The following MKX variants were observed in gnomAD, a reference collection of about 807,000 sequenced individuals.
The protein encoded by MKX is mohawk homeobox, also known as homeobox protein Mohawk.
A neutral mutation model predicts 36.0 loss-of-function variants in MKX; 13 were observed. The observed-to-expected ratio is 0.36, with a 90% confidence interval of 0.24 to 0.57. The LOEUF is 0.57. Among genes scored for constraint, MKX ranks in the 20% least tolerant of loss-of-function variants. MKX has a pLI of 0.79. For synonymous variants in MKX, 176 were observed against 178.3 expected (o/e 0.99, Z 0.10); for missense variants, 458 against 456.4 (o/e 1.00, Z -0.03).
At chr10:27,733,883 G>A (rs1485870785) in intron 5 of MKX, among the ~76,000 whole-genome samples, 1 of 152,166 alleles carries the variant, frequency 6.6e-6, no homozygotes, top group Non-Finnish European at 1.5e-5. Flanking sequence ...ATGCTTTTCA[G>A]GAATGAGAGT....
intron 5 of MKX, among the ~76,000 whole-genome samples, chr10:27,690,784 C>G (rs2132509085): frequency 1.3e-5 from 2 of 152,244 alleles, no homozygotes; most frequent in East Asian, 3.9e-4. Context: ...CCTACTGGGT[C>G]TCTCCTGTCA....
intron 5 of MKX, among the ~76,000 whole-genome samples, chr10:27,690,127 C>T (rs1459751102): frequency 4.6e-5 from 7 of 152,208 alleles, no homozygotes; most frequent in Admixed American, 3.9e-4. Context: ...AATCCCAGCA[C>T]TTTGGGAGGC....
Position 27,729,428 on chromosome 10 carries a change from C to G in MKX, c.838+5028G>C, listed in dbSNP as rs573793717. Among the ~76,000 whole-genome samples, 4 of 152,090 alleles carry G rather than the reference C, an allele frequency of 2.6e-5. No homozygotes were observed. The East Asian group carries it at 7.7e-4, about 29-fold the overall frequency. ...CAAGTGATCCCCCTGCCTCTCTCCC[C>G]GTAGTAGCTGGGATCACAGGCGCGC... On this transcript the variant is annotated intron_variant, in intron 5 of 6. Coordinates refer to ENST00000419761, the MANE Select transcript of MKX (RefSeq NM_173576.3).
At chr10:27,745,122 G>A (rs1417918993) in intron 1 of MKX, among the ~76,000 whole-genome samples, 1 of 151,692 alleles carries the variant, frequency 6.6e-6, no homozygotes, top group East Asian at 1.9e-4. Context: ...CCCCGGCCCG[G>A]CCTTCTCCGA....
At chr10:27,691,253 A>G (rs564628301) in intron 5 of MKX, among the ~76,000 whole-genome samples, 9 of 152,322 alleles carry the variant, frequency 5.9e-5, no homozygotes, top group Non-Finnish European at 1.0e-4. Flanking sequence ...CCTGGATCCC[A>G]TCTCTGAGAT....
intron 5 of MKX, among the ~76,000 whole-genome samples, chr10:27,695,787 A>T (rs772540688): frequency 1.3e-5 from 2 of 152,250 alleles, no homozygotes; most frequent in Non-Finnish European, 2.9e-5. Context: ...TAGAAAAAAC[A>T]GAAAGTGGGC....
At position 27,675,091 on chromosome 10, in the gene MKX, TA is replaced by T; in HGVS notation, c.*137del. ...TTTATATGTCTTTTATAGAAGCAAC[TA>T]AATGATATATTTGGGATAATTAAAA... On this transcript the variant is annotated 3_prime_UTR_variant, in exon 7 of 7. Transcript: ENST00000419761. 1 of 686,168 alleles carries T rather than the reference TA, an allele frequency of 1.5e-6. No homozygotes were observed. The highest frequency in any genetic ancestry group is 2.3e-6 in the Non-Finnish European group (1 of 435,516). 42.5% of individuals were successfully genotyped at this position (686,168 alleles called of 1,614,324 possible).
chr10:27,685,542 G>A (rs995528014), intron 5 of MKX, among the ~76,000 whole-genome samples: 16 of 150,644 alleles, frequency 1.1e-4, no homozygotes, highest in Admixed American at 5.3e-4. Context: ...TCCGCCTCCC[G>A]GGTGCACGCC....
intron 5 of MKX, among the ~76,000 whole-genome samples, chr10:27,684,778 G>A (rs962203807): frequency 1.3e-5 from 2 of 152,228 alleles, no homozygotes; most frequent in South Asian, 2.1e-4. Flanking sequence ...GACTGGTTTC[G>A]TGGAAGATGA....
intron 5 of MKX, among the ~76,000 whole-genome samples, chr10:27,711,561 C>T (rs1460177005): frequency 1.5e-5 from 2 of 130,840 alleles, no homozygotes; most frequent in East Asian, 2.2e-4. Context: ...TTCTTTTGTT[C>T]TCTTTTCTTT....
At chr10:27,727,700 C>G (rs1341533763) in intron 5 of MKX, among the ~76,000 whole-genome samples, 1 of 152,148 alleles carries the variant, frequency 6.6e-6, no homozygotes, top group African/African-American at 2.4e-5. Flanking sequence ...GAAAAGTTCT[C>G]TTTTAAAAAG....
chr10:27,694,808 A>G (rs900212144), intron 5 of MKX, among the ~76,000 whole-genome samples: 3 of 151,944 alleles, frequency 2.0e-5, no homozygotes, highest in Non-Finnish European at 4.4e-5. Flanking sequence ...GAATCAAAGT[A>G]TCATACAAAA....
intron 3 of MKX, among the ~76,000 whole-genome samples, chr10:27,740,845 G>C (rs571082026): frequency 1.3e-5 from 2 of 152,244 alleles, no homozygotes; most frequent in African/African-American, 4.8e-5. Context: ...CCTACTCCTA[G>C]CTGTCAGTAA....
intron 5 of MKX, among the ~76,000 whole-genome samples, chr10:27,715,451 G>T (rs1436895887): frequency 6.6e-6 from 1 of 152,188 alleles, no homozygotes; most frequent in African/African-American, 2.4e-5. Flanking sequence ...GAAGATGAGG[G>T]TGCTACGTGG....
At chr10:27,705,543 C>T (rs542284154) in intron 5 of MKX, among the ~76,000 whole-genome samples, 1 of 152,092 alleles carries the variant, frequency 6.6e-6, no homozygotes, top group Non-Finnish European at 1.5e-5. Flanking sequence ...TTTGTGGAGA[C>T]AAAGTCTCAC....
intron 5 of MKX, among the ~76,000 whole-genome samples, chr10:27,715,624 G>C (rs149235606): frequency 1.5e-3 from 225 of 152,194 alleles, no homozygotes; most frequent in African/African-American, 5.3e-3. Flanking sequence ...CTACTTCATG[G>C]GGTATTATGA....
intron 2 of MKX, 38 bp downstream of exon 2, chr10:27,743,190 G>A (rs769222121): frequency 2.1e-6 from 3 of 1,421,850 alleles, no homozygotes; most frequent in Non-Finnish European, 2.8e-6. Context: ...ACCCCTCCGG[G>A]CCGCAGGCGG....
At chr10:27,733,809 A>G (rs1351431742) in intron 5 of MKX, among the ~76,000 whole-genome samples, 1 of 152,232 alleles carries the variant, frequency 6.6e-6, no homozygotes, top group Non-Finnish European at 1.5e-5. Flanking sequence ...TTGGACAGGT[A>G]GGAATCGATC....
At chr10:27,680,974 AAAC>A (rs1564342803) in intron 5 of MKX, among the ~76,000 whole-genome samples, 2 of 152,244 alleles carry the variant, frequency 1.3e-5, no homozygotes, top group African/African-American at 4.8e-5. Context: ...TCATATTTTA[AAAC>A]AATAAAAGAA....
Sources: allele counts gnomAD v4.1 joint callset (sites outside exome capture counted in the v4.1 genomes callset), GRCh38; gene constraint gnomAD v4.1.1; transcripts MANE v1.5; gene names NCBI Gene and HGNC (gene_info 2026-07-23, HGNC 2026-07-21).